The following DNAH3 variants were observed in gnomAD, a reference collection of about 807,000 sequenced individuals.
DNAH3 encodes dynein axonemal heavy chain 3.
In DNAH3, 332 loss-of-function variants were observed where a neutral mutation model predicts 432.5. The ratio of observed to expected loss-of-function variants is 0.77; its 90% CI spans 0.70 to 0.84. The LOEUF (loss-of-function observed/expected upper bound fraction) is 0.84. DNAH3 is among the 40% of genes least tolerant of loss of function. The probability of loss-of-function intolerance (pLI) is 0.00; values close to 1 mark genes in which losing one functional copy is unlikely to be tolerated. For synonymous variants in DNAH3, 1,956 were observed against 1,900.2 expected (o/e 1.03, Z -0.76); for missense variants, 4,861 against 5,114.0 (o/e 0.95, Z 1.51).
intron 1 of DNAH3, chr16:21,158,250 G>A (rs1400537342): frequency 2.0e-5 from 3 of 152,284 alleles, no homozygotes; most frequent in African/African-American, 7.2e-5. Flanking sequence ...AAAACTTCCA[G>A]CCAGGGTGAT....
chr16:21,058,244 TA>T, intron 26 of DNAH3, 48 bp from the exon 27 acceptor site: 1 of 1,208,396 alleles, frequency 8.3e-7, no homozygotes, highest in Non-Finnish European at 1.2e-6. Flanking sequence ...ACGTGTGGTT[TA>T]AACTGAGTTT....
At position 21,071,975 on chromosome 16, in the gene DNAH3, C is replaced by T. The variant is rs1406094899; in HGVS notation, c.3085-1149G>A. Among the ~76,000 whole-genome samples the T allele has an allele frequency of 2.0e-5, 3 of 152,126 alleles. No individual in the cohort carries two copies. The East Asian group carries it at 5.8e-4, about 29-fold the overall frequency. On this transcript the variant is annotated intron_variant, in intron 21 of 61. Transcript: ENST00000261383. ...CTGATGTGCCCCGGGGCACCGCAGCCAACTCAGAGTGAATGATTCTGGTTA... is the reference window on the plus strand; with the variant it reads ...CTGATGTGCCCCGGGGCACCGCAGCTAACTCAGAGTGAATGATTCTGGTTA...
Position 20,968,549 on chromosome 16 carries a change from G to T in DNAH3, c.8458+1243C>A, listed in dbSNP as rs992375344. Among the ~76,000 whole-genome samples, 7 of 152,092 alleles carry T rather than the reference G, an allele frequency of 4.6e-5. 1 individual carries two copies. Among genetic ancestry groups the T allele is most frequent in the Admixed American group, 3.9e-4 (6 of 15,270 alleles). On this transcript the variant is annotated intron_variant, in intron 52 of 61. Coordinates refer to ENST00000261383, the Ensembl canonical transcript of DNAH3. ...ACCTAATTTAAATTTGAAGGAGAATGAATATTCACCTGTTAATGTTTCTAG... is the reference window on the plus strand; with the variant it reads ...ACCTAATTTAAATTTGAAGGAGAATTAATATTCACCTGTTAATGTTTCTAG...
At position 21,062,691 on chromosome 16, in the gene DNAH3, A is replaced by C. The variant is rs772160517; in HGVS notation, c.3519-8T>G. ...TTTGATAGGAAGAAGAATCTATTTC[A>C]AAGCAAAGAAAGATGGTAACTGGAA... On this transcript the variant is annotated splice_region_variant and splice_polypyrimidine_tract_variant and intron_variant, in intron 24 of 61. Coordinates refer to ENST00000261383, the Ensembl canonical transcript of DNAH3. 2 of 1,605,506 alleles carry C rather than the reference A, an allele frequency of 1.2e-6. No homozygotes were observed. Among genetic ancestry groups the C allele is most frequent in the African/African-American group, 2.7e-5 (2 of 74,570 alleles).
intron 57 of DNAH3, among the ~76,000 whole-genome samples, chr16:20,946,295 C>G (rs2084041445): frequency 1.3e-5 from 2 of 152,202 alleles, no homozygotes; most frequent in Admixed American, 1.3e-4. Flanking sequence ...CTCTTTCAAC[C>G]AATTGCCAAT....
At chr16:20,968,992 T>G (rs773261573) in intron 52 of DNAH3, among the ~76,000 whole-genome samples, 6 of 152,072 alleles carry the variant, frequency 3.9e-5, no homozygotes, top group Non-Finnish European at 7.4e-5. Context: ...AGTCTCTATT[T>G]CTACCTGTTT....
chr16:21,023,995 A>G (rs553070890), intron 39 of DNAH3, among the ~76,000 whole-genome samples: 5 of 152,226 alleles, frequency 3.3e-5, no homozygotes, highest in African/African-American at 9.6e-5. Flanking sequence ...CTATTAACAC[A>G]GGGGAGGGCA....
chr16:21,120,845 T>TAA lies in DNAH3; in HGVS notation c.1593_1594insTT (p.Ile532LeufsTer18), dbSNP rs759305405. ...GCAGTGAAGGAGAACTTAAGTGGTA[T>TAA]GTATTTCAGCTGTCCCCATACATAG... On this transcript the variant is annotated frameshift_variant, in exon 11 of 62. Transcript: ENST00000261383. LOFTEE classifies it high-confidence loss of function. 6.2e-7 allele frequency: 1 copy of TAA among 1,613,572 alleles called. No homozygotes were observed. Among genetic ancestry groups the TAA allele is most frequent in the South Asian group, 1.1e-5 (1 of 91,026 alleles).
At position 20,933,732 on chromosome 16, in the gene DNAH3, A is replaced by C. The variant is rs566638693; in HGVS notation, c.11998-225T>G. On this transcript the variant is annotated intron_variant, in intron 61 of 61. Transcript: ENST00000261383. ...TGCCCTTCCCAATGGTGGGCTAGAGAATGCACTCAAGTAGGAGTCACATTA... is the reference window on the plus strand; with the variant it reads ...TGCCCTTCCCAATGGTGGGCTAGAGCATGCACTCAAGTAGGAGTCACATTA... Among the ~76,000 whole-genome samples, 10 of 152,296 alleles carry C rather than the reference A, an allele frequency of 6.6e-5. No homozygotes were observed. The Middle Eastern group carries it at 0.01, about 155-fold the overall frequency.
At chr16:21,118,533 A>G (rs2092261219) in intron 11 of DNAH3, among the ~76,000 whole-genome samples, 1 of 152,168 alleles carries the variant, frequency 6.6e-6, no homozygotes, top group Admixed American at 6.6e-5. Flanking sequence ...CCTCAGCTCA[A>G]GCAGTCTTCC....
chr16:21,082,950 CT>C (rs200815205), intron 19 of DNAH3, among the ~76,000 whole-genome samples: 13,313 of 149,188 alleles, frequency 0.089, 765 homozygotes, highest in South Asian at 0.18. Context: ...TTCCATCTTG[CT>C]TTTTTTTTAA....
At chr16:21,151,876 T>C (rs1328435867) in intron 1 of DNAH3, among the ~76,000 whole-genome samples, 1 of 151,502 alleles carries the variant, frequency 6.6e-6, no homozygotes, top group Non-Finnish European at 1.5e-5. Context: ...TTGCATATCT[T>C]TTTTTTTCAT....
At position 21,067,437 on chromosome 16, in the gene DNAH3, A is replaced by T. The variant is rs763418300; in HGVS notation, c.3382-18T>A. The T allele has an allele frequency of 8.7e-6, 14 of 1,613,116 alleles. No homozygotes were observed. Among genetic ancestry groups the T allele is most frequent in the Admixed American group, 3.3e-5 (2 of 59,834 alleles). ...TCTTTCACCTGGGTTCCATCAAAAAAAGTGAGACTCATCATAAGGTTCCCA... is the reference window on the plus strand; with the variant it reads ...TCTTTCACCTGGGTTCCATCAAAAATAGTGAGACTCATCATAAGGTTCCCA... On this transcript the variant is annotated intron_variant, in intron 23 of 61. Transcript: ENST00000261383.
chr16:21,048,210 C>G (rs1482362301), intron 31 of DNAH3, among the ~76,000 whole-genome samples: 1 of 152,264 alleles, frequency 6.6e-6, no homozygotes, highest in Non-Finnish European at 1.5e-5. Context: ...CCACCCAGTT[C>G]GAGCTTCCAG....
At chr16:20,990,437 AATT>A (rs1301419494) in intron 44 of DNAH3, among the ~76,000 whole-genome samples, 1 of 152,222 alleles carries the variant, frequency 6.6e-6, no homozygotes, top group Non-Finnish European at 1.5e-5. Context: ...TTTAAAGTAC[AATT>A]ATTCAATGAT....
intron 35 of DNAH3, 63 bp from the exon 36 acceptor site, chr16:21,034,148 G>A: frequency 9.0e-7 from 1 of 1,110,010 alleles, no homozygotes; most frequent in Admixed American, 1.9e-5. Flanking sequence ...TTGTGAGTTA[G>A]TCAGAAGTCA....
intron 5 of DNAH3, among the ~76,000 whole-genome samples, chr16:21,139,320 C>CTTTTTT (rs9302391): frequency 0.049 from 1,439 of 29,624 alleles, 435 homozygotes; most frequent in African/African-American, 0.083. Context: ...TTTCCTCATG[C>CTTTTTT]TTTTTTTTTT....
intron 49 of DNAH3, among the ~76,000 whole-genome samples, chr16:20,980,149 C>G (rs1387652224): frequency 7.6e-6 from 1 of 132,128 alleles, no homozygotes; most frequent in Non-Finnish European, 1.6e-5. Flanking sequence ...TGGAGATATT[C>G]CCTGACTTTG....
chr16:20,935,354 C>T (rs940243155), exon 61 of DNAH3: 1 of 1,614,058 alleles, frequency 6.2e-7, no homozygotes, highest in Non-Finnish European at 8.5e-7. Flanking sequence ...CTACCTCAAA[C>T]TCAAATCCAA....
Sources: allele counts gnomAD v4.1 joint callset (sites outside exome capture counted in the v4.1 genomes callset), GRCh38; gene constraint gnomAD v4.1.1; transcripts MANE v1.5; gene names NCBI Gene and HGNC (gene_info 2026-07-23, HGNC 2026-07-21).